GRK3: variants seen among roughly 807,000 people sequenced by gnomAD.
GRK3 encodes the protein adrenergic, beta, receptor kinase 2.
In GRK3, 54 loss-of-function variants were observed where a neutral mutation model predicts 95.7. The ratio of observed to expected loss-of-function variants is 0.56; its 90% CI spans 0.45 to 0.71. The LOEUF is 0.71. Ranked by LOEUF, GRK3 falls within the 30% of genes least tolerant of loss-of-function variation. The pLI, the probability that GRK3 is intolerant of heterozygous loss-of-function variation, is 0.00. For missense variants in GRK3, 649 were observed against 851.2 expected, an observed-to-expected ratio of 0.76 and a Z score of 2.96; for synonymous variants, 281 against 290.8, an observed-to-expected ratio of 0.97 and a Z score of 0.34.
chr22:25,619,944 CT>C, intron 2 of GRK3, among the ~76,000 whole-genome samples: 1 of 152,006 alleles, frequency 6.6e-6, no homozygotes, highest in South Asian at 2.1e-4. Flanking sequence ...CCCCTTCTCT[CT>C]TCCTTTACTC....
At chr22:25,575,634 T>C in intron 1 of GRK3, among the ~76,000 whole-genome samples, 1 of 152,200 alleles carries the variant, frequency 6.6e-6, no homozygotes, top group Non-Finnish European at 1.5e-5. Flanking sequence ...TTATTTAGAG[T>C]TTAAAAAAAC....
At chr22:25,587,181 G>A (rs1358552911) in intron 1 of GRK3, among the ~76,000 whole-genome samples, 2 of 152,086 alleles carry the variant, frequency 1.3e-5, no homozygotes, top group Non-Finnish European at 1.5e-5. Flanking sequence ...GTGAGCCACC[G>A]TGCCCAGTGG....
At chr22:25,592,025 T>A (rs2146328473) in intron 1 of GRK3, among the ~76,000 whole-genome samples, 1 of 152,334 alleles carries the variant, frequency 6.6e-6, no homozygotes, top group South Asian at 2.1e-4. Context: ...TATCAAATGG[T>A]AGGTGTAGTT....
At chr22:25,648,675 A>T (rs1012767124) in intron 3 of GRK3, 1 of 1,031,316 alleles carries the variant, frequency 9.7e-7, no homozygotes, top group African/African-American at 1.6e-5. Context: ...AAGCTTATTC[A>T]ATTTCCTTAA....
At chr22:25,640,185 T>C (rs1483875691) in intron 2 of GRK3, among the ~76,000 whole-genome samples, 1 of 152,192 alleles carries the variant, frequency 6.6e-6, no homozygotes. Flanking sequence ...TCCAATACAA[T>C]GTTGAAGAGG....
chr22:25,697,977 T>C (rs576799937), intron 13 of GRK3, among the ~76,000 whole-genome samples: 4 of 152,230 alleles, frequency 2.6e-5, no homozygotes, highest in African/African-American at 9.6e-5. Context: ...TTAAGTGATT[T>C]AAATTAAATG....
At chr22:25,589,226 C>T (rs1247924592) in intron 1 of GRK3, among the ~76,000 whole-genome samples, 1 of 151,956 alleles carries the variant, frequency 6.6e-6, no homozygotes, top group Non-Finnish European at 1.5e-5. Flanking sequence ...ATAATTAAAC[C>T]TCAGATAGAA....
In GRK3 at chr22:25,662,434, A is replaced by C. The variant is rs144976685; in HGVS notation, c.366+757A>C. On this transcript the variant is annotated intron_variant, in intron 4 of 20. Coordinates refer to ENST00000324198, the MANE Select transcript of GRK3 (RefSeq NM_005160.4). ...CAGTACTCAGTGGTTACATGGGGCTAGTGGCTTTTGTATTGGATGGCACAG... is the reference window on the plus strand; with the variant it reads ...CAGTACTCAGTGGTTACATGGGGCTCGTGGCTTTTGTATTGGATGGCACAG... Among the ~76,000 whole-genome samples the C allele has an allele frequency of 1.4e-3, 217 of 152,314 alleles. 1 individual carries two copies. The highest frequency in any genetic ancestry group is 5.0e-3 in the African/African-American group (207 of 41,576).
At position 25,690,213 on chromosome 22, in the gene GRK3, C is replaced by G. The variant is rs748626073; in HGVS notation, c.982C>G (p.His328Asp). The G allele has an allele frequency of 6.2e-7, 1 of 1,613,998 alleles. No homozygotes were observed. Among genetic ancestry groups the G allele is most frequent in the South Asian group, 1.1e-5 (1 of 91,062 alleles). The change falls in exon 12 of 21, where the codon CAT (histidine) becomes GAT (aspartate). Residue 328 changes from histidine (H) to aspartate (D), a missense_variant. By Grantham distance (81) the His-to-Asp change is moderately conservative. Coordinates refer to ENST00000324198, the MANE Select transcript of GRK3 (RefSeq NM_005160.4). ...GCCAGCAAATATTCTCTTGGATGAA[C>G]ATGGACACGCAAGAATATCAGATCT... The part of the protein sequence containing the change: ...LKPANILLDE[H>D]GHARISDLGL...
chr22:25,709,993 G>A (rs773602637), intron 16 of GRK3, 29 bp downstream of exon 16: 17 of 1,528,262 alleles, frequency 1.1e-5, no homozygotes, highest in South Asian at 1.0e-4. Context: ...CTCTACTTAC[G>A]GTACTGCCGC....
rs1455987645 is a variant in GRK3, at chr22:25,722,466, A to AG, written c.*19dup. ...CGGCCTCTAGCACCCAGAAACAGGG[A>AG]GGGTCCTCGAGGAGGACACACCAGG... On this transcript the variant is annotated 3_prime_UTR_variant, in exon 21 of 21. Coordinates refer to ENST00000324198, the MANE Select transcript of GRK3 (RefSeq NM_005160.4). 2 of 1,613,088 alleles carry AG rather than the reference A, an allele frequency of 1.2e-6. No individual in the cohort carries two copies. Among genetic ancestry groups the AG allele is most frequent in the Non-Finnish European group, 1.7e-6 (2 of 1,179,246 alleles).
At chr22:25,582,933 C>T (rs1028202689) in intron 1 of GRK3, among the ~76,000 whole-genome samples, 2 of 152,098 alleles carry the variant, frequency 1.3e-5, no homozygotes, top group Non-Finnish European at 2.9e-5. Context: ...TGAATGGATA[C>T]GAGGACATGA....
chr22:25,644,351 C>CG (rs2084765620), intron 2 of GRK3, among the ~76,000 whole-genome samples: 1 of 148,730 alleles, frequency 6.7e-6, no homozygotes, highest in Non-Finnish European at 1.5e-5. Context: ...AAGTGGGGGG[C>CG]GGGGGTGAAC....
rs1448516193 is a variant in GRK3 at position 25,715,462 on chromosome 22, T to C, written c.1654+892T>C. Among the ~76,000 whole-genome samples the C allele has an allele frequency of 2.0e-5, 3 of 152,122 alleles. No individual in the cohort carries two copies. The East Asian group carries it at 5.8e-4, about 29-fold the overall frequency. ...GGAGGTCGTCTGCAGTGAGCTGAGA[T>C]TGTGCCACTGCACTCTAGCCTGGGT... On this transcript the variant is annotated intron_variant, in intron 18 of 20. Transcript: ENST00000324198.
At chr22:25,670,900 A>T (rs980260553) in intron 6 of GRK3, among the ~76,000 whole-genome samples, 14 of 150,026 alleles carry the variant, frequency 9.3e-5, no homozygotes, top group South Asian at 4.2e-4. Flanking sequence ...AAAAAAAAAA[A>T]AAAATTAGCC....
intron 2 of GRK3, among the ~76,000 whole-genome samples, chr22:25,609,676 G>A (rs759832299): frequency 2.8e-4 from 42 of 151,962 alleles, no homozygotes; most frequent in Non-Finnish European, 5.0e-4. Context: ...TCATTCTCAT[G>A]TATAAAGAAC....
intron 1 of GRK3, among the ~76,000 whole-genome samples, chr22:25,589,321 C>T (rs914992127): frequency 1.3e-5 from 2 of 152,186 alleles, no homozygotes; most frequent in African/African-American, 2.4e-5. Context: ...GACGTACAAC[C>T]TAGCCCACCT....
At chr22:25,704,351 A>G in intron 15 of GRK3, 142 bp downstream of exon 15, 1 of 615,986 alleles carries the variant, frequency 1.6e-6, no homozygotes, top group Non-Finnish European at 2.9e-6. Context: ...CACATGGGAA[A>G]TATACAAATA....
At chr22:25,574,106 ATT>A (rs546627982) in intron 1 of GRK3, among the ~76,000 whole-genome samples, 75 of 152,162 alleles carry the variant, frequency 4.9e-4, no homozygotes, top group Non-Finnish European at 1.0e-3. Context: ...ATTGATCTTT[ATT>A]ATCTTGTTTG....
Sources: gnomAD v4.1 joint callset for allele counts (sites outside exome capture counted in the v4.1 genomes callset) on GRCh38, gnomAD v4.1.1 for gene constraint, MANE v1.5 for transcripts, NCBI Gene and HGNC (gene_info 2026-07-23, HGNC 2026-07-21) for gene names.